The following ZFPM1 variants were observed in gnomAD, a reference collection of about 807,000 sequenced individuals.
ZFPM1 encodes the protein zinc finger protein, FOG family member 1.
ZFPM1 carries 28 observed loss-of-function variants against 46.3 expected under a neutral mutation model. The ratio of observed to expected loss-of-function variants is 0.60; its 90% CI spans 0.45 to 0.83. The LOEUF is 0.83. ZFPM1 is among the 40% of genes least tolerant of loss of function. The probability of loss-of-function intolerance (pLI) is 0.00; values close to 1 mark genes in which losing one functional copy is unlikely to be tolerated. For missense variants in ZFPM1, 1,878 were observed against 1,432.4 expected (o/e 1.31, Z -5.02); for synonymous variants, 957 against 675.9 (o/e 1.42, Z -6.45).
intron 3 of ZFPM1, among the ~76,000 whole-genome samples, chr16:88,510,364 C>T (rs546066473): frequency 7.9e-5 from 12 of 152,350 alleles, no homozygotes; most frequent in African/African-American, 2.6e-4. Context: ...CAGCCAGCAG[C>T]GCCAAGCTCT....
At chr16:88,453,737 C>T (rs1173926863) in intron 1 of ZFPM1, 59 bp downstream of exon 1, 2 of 1,039,992 alleles carry the variant, frequency 1.9e-6, no homozygotes, top group Non-Finnish European at 2.4e-6. Context: ...GGAGCCCAGC[C>T]GCCAGCGCCG....
chr16:88,517,062 C>T (rs1024894394), intron 4 of ZFPM1, among the ~76,000 whole-genome samples: 2 of 152,196 alleles, frequency 1.3e-5, no homozygotes, highest in Admixed American at 1.3e-4. Context: ...CAGCTCCCAC[C>T]CCTGCCACGC....
chr16:88,510,615 G>A (rs1171940278), intron 3 of ZFPM1, among the ~76,000 whole-genome samples: 1 of 152,172 alleles, frequency 6.6e-6, no homozygotes, highest in East Asian at 1.9e-4. Context: ...CTGTAGTGGC[G>A]GCCCCATTCC....
rs777361835 is a variant in ZFPM1 at position 88,458,068 on chromosome 16, A to G, written c.40+4390A>G. Among the ~76,000 whole-genome samples the G allele has an allele frequency of 3.3e-5, 5 of 152,278 alleles. No homozygotes were observed. In the South Asian group the frequency reaches 8.3e-4, roughly 25 times the overall value. On this transcript the variant is annotated intron_variant, in intron 1 of 9. Transcript: ENST00000319555. Reference sequence around the variant, plus strand: ...TAAAGCAGGTCCTCTTCTGATCACTATTTTACATCTGGGGAAACTGAAGCA... The same window carrying G: ...TAAAGCAGGTCCTCTTCTGATCACTGTTTTACATCTGGGGAAACTGAAGCA...
chr16:88,468,144 C>G (rs1393959889), intron 1 of ZFPM1, among the ~76,000 whole-genome samples: 1 of 146,906 alleles, frequency 6.8e-6, no homozygotes, highest in Non-Finnish European at 1.5e-5. Flanking sequence ...GAGCCCACTG[C>G]CCCTGACCCA....
Position 88,534,085 on chromosome 16 carries a change from C to T in ZFPM1, c.2127C>T (p.Arg709=), listed in dbSNP as rs758554890. The change falls in exon 10 of 10, where the codon CGC becomes CGT. Residue 709 remains arginine, a synonymous_variant. Transcript: ENST00000319555. ...TVHKRYYCAS[R]HDPPPRRPAA... Reference sequence around the variant, plus strand: ...ACAAGCGGTACTACTGCGCCTCGCGCCACGACCCGCCGCCGCGCCGACCGG... The same window carrying T: ...ACAAGCGGTACTACTGCGCCTCGCGTCACGACCCGCCGCCGCGCCGACCGG... 7 of 1,219,058 alleles carry T rather than the reference C, an allele frequency of 5.7e-6. No homozygotes were observed. Among genetic ancestry groups the T allele is most frequent in the Admixed American group, 3.0e-5 (1 of 33,034 alleles). 75.5% of individuals were successfully genotyped at this position (1,219,058 alleles called of 1,614,324 possible).
intron 4 of ZFPM1, among the ~76,000 whole-genome samples, chr16:88,516,825 TG>T (rs1645804811): frequency 6.6e-6 from 1 of 152,116 alleles, no homozygotes; most frequent in Non-Finnish European, 1.5e-5. Flanking sequence ...GGGGTGCAGA[TG>T]CGATGCTGTG....
intron 3 of ZFPM1, among the ~76,000 whole-genome samples, chr16:88,505,778 G>C (rs982287336): frequency 6.6e-6 from 1 of 152,122 alleles, no homozygotes; most frequent in Non-Finnish European, 1.5e-5. Flanking sequence ...GGAGACCACC[G>C]TGCTGGTGGG....
chr16:88,489,138 C>A lies in ZFPM1; in HGVS notation c.253C>A (p.Pro85Thr), dbSNP rs1909412515. The A allele has an allele frequency of 6.2e-7, 1 of 1,605,736 alleles. No individual in the cohort carries two copies. ...PRPTEEEPGS[P>T]WSGPDELEPV... is the part of the protein sequence containing the mutation. ...GCCCACGGAGGAAGAGCCGGGCAGT[C>A]CCTGGAGCGGGCCAGGTAACCACGC... The change falls in exon 3 of 10, where the codon CCC becomes ACC. Residue 85 changes from proline to threonine, a missense_variant. Transcript: ENST00000319555.
rs1219866561 is a variant in ZFPM1 at position 88,471,614 on chromosome 16, G to A, written c.41-14325G>A. On this transcript the variant is annotated intron_variant, in intron 1 of 9. Coordinates refer to ENST00000319555, the MANE Select transcript of ZFPM1 (RefSeq NM_153813.3). The surrounding 1 kb of genome is among the most constrained non-coding windows in gnomAD (Gnocchi z 4.1). The stretch of plus-strand genomic sequence containing the variant: ...ACCCCGAGATGATCGTGGCTGTAGC[G>A]GCTCCCACTCACAGAGGTGGGGTCA... Among the ~76,000 whole-genome samples the A allele has an allele frequency of 1.3e-5, 2 of 152,166 alleles. No homozygotes were observed. The highest frequency in any genetic ancestry group is 2.4e-5 in the African/African-American group (1 of 41,424).
At chr16:88,455,899 C>T (rs1460097075) in intron 1 of ZFPM1, among the ~76,000 whole-genome samples, 1 of 152,200 alleles carries the variant, frequency 6.6e-6, no homozygotes, top group Admixed American at 6.5e-5. Flanking sequence ...CGCCCCCAGC[C>T]CGCTGGGTTT....
In ZFPM1 at chr16:88,534,655, C is replaced by T. The variant is rs1404046920; in HGVS notation, c.2697C>T (p.Gly899=). 7.9e-6 allele frequency: 8 copies of T among 1,012,870 alleles called. No individual in the cohort carries two copies. Among genetic ancestry groups the T allele is most frequent in the Non-Finnish European group, 9.4e-6 (8 of 850,240 alleles). 62.7% of individuals were successfully genotyped at this position (1,012,870 alleles called of 1,614,324 possible). ...AGGCCCGGACGCCGGCCGACCGCGGCCCCTCGCCCGCTCCCGCCCCCGCCG... is the reference window on the plus strand; with the variant it reads ...AGGCCCGGACGCCGGCCGACCGCGGTCCCTCGCCCGCTCCCGCCCCCGCCG... ...GVEARTPADR[G]PSPAPAPAAS... The change falls in exon 10 of 10, where the codon GGC becomes GGT. Residue 899 remains glycine (G), a synonymous_variant. Coordinates refer to ENST00000319555, the MANE Select transcript of ZFPM1 (RefSeq NM_153813.3).
At chr16:88,486,093 G>A (rs753691066) in intron 2 of ZFPM1, 50 bp downstream of exon 2, 1 of 1,545,592 alleles carries the variant, frequency 6.5e-7, no homozygotes, top group Admixed American at 1.9e-5. Flanking sequence ...GGCCTCCATT[G>A]CTTACCCGTA....
At chr16:88,529,858 T>C (rs1489309527) in intron 6 of ZFPM1, among the ~76,000 whole-genome samples, 1 of 152,120 alleles carries the variant, frequency 6.6e-6, no homozygotes, top group East Asian at 1.9e-4. Flanking sequence ...GTGTGCCTGG[T>C]AGCCAGGACA....
At chr16:88,460,428 C>T (rs1050553381) in intron 1 of ZFPM1, among the ~76,000 whole-genome samples, 1 of 152,190 alleles carries the variant, frequency 6.6e-6, no homozygotes, top group Non-Finnish European at 1.5e-5. Context: ...CCCTCCCTGC[C>T]TCGGTTGGTT....
In ZFPM1 at chr16:88,528,145, G is replaced by T. The variant is rs757962247; in HGVS notation, c.619G>T (p.Ala207Ser). ...TPGHPVKKEP[A>S]EPTCPAPAHD... ...CGGCCACCCTGTGAAGAAGGAGCCA[G>T]CAGAGCCCACGTGCCCGGCCCCTGC... Residue 207 changes from alanine to serine, a missense_variant, in exon 6 of 10, where the codon GCA (alanine) becomes TCA (serine). Coordinates refer to ENST00000319555, the MANE Select transcript of ZFPM1 (RefSeq NM_153813.3). 8.7e-6 allele frequency: 14 copies of T among 1,605,718 alleles called. No individual in the cohort carries two copies. The South Asian group carries it at 1.6e-4, about 18-fold the overall frequency.
intron 6 of ZFPM1, among the ~76,000 whole-genome samples, chr16:88,531,399 C>G (rs540246111): frequency 6.6e-6 from 1 of 152,166 alleles, no homozygotes; most frequent in Non-Finnish European, 1.5e-5. Flanking sequence ...GTGGTAAATT[C>G]GACAAATCTG....
Position 88,535,212 on chromosome 16 carries a change from C to A in ZFPM1, c.*233C>A. The A allele has an allele frequency of 2.5e-6, 1 of 403,222 alleles. No homozygotes were observed. The highest frequency in any genetic ancestry group is 4.2e-6 in the Non-Finnish European group (1 of 239,824). 25.0% of individuals were successfully genotyped at this position (403,222 alleles called of 1,614,324 possible). On this transcript the variant is annotated 3_prime_UTR_variant, in exon 10 of 10. Coordinates refer to ENST00000319555, the MANE Select transcript of ZFPM1 (RefSeq NM_153813.3). ...TCTCTGAGCCAGCAGGCACACGCAG[C>A]CAGTGTCACATCCAGCCCTGCTGTG...
At position 88,535,053 on chromosome 16, in the gene ZFPM1, C is replaced by G. The variant is rs1420300787; in HGVS notation, c.*74C>G. ...GGGAGGGGGCCGCCCCCAGGCCGCA[C>G]GGACTGCCGCTCCTGGGAACCCCGC... is the stretch of plus-strand genomic sequence containing the variant. On this transcript the variant is annotated 3_prime_UTR_variant, in exon 10 of 10. Coordinates refer to ENST00000319555, the MANE Select transcript of ZFPM1 (RefSeq NM_153813.3). 51 of 1,339,174 alleles carry G rather than the reference C, an allele frequency of 3.8e-5. No homozygotes were observed. The highest frequency in any genetic ancestry group is 5.9e-5 in the Admixed American group (2 of 33,998). The allele number at this position is 1,339,174 out of a possible 1,614,324, so 83.0% of individuals were successfully genotyped here. A position where few individuals can be genotyped will look rare whatever the true frequency, so the allele number is the denominator to read the frequency against.
Sources: gnomAD v4.1 joint callset for allele counts (sites outside exome capture counted in the v4.1 genomes callset) on GRCh38, gnomAD v4.1.1 for gene constraint, Gnocchi (gnomAD v3.1) non-coding constraint, MANE v1.5 for transcripts, NCBI Gene and HGNC (gene_info 2026-07-23, HGNC 2026-07-21) for gene names.